The following FSTL1 variants were observed in gnomAD, a reference collection of about 807,000 sequenced individuals.
The protein encoded by FSTL1 is follistatin like 1, also known as follistatin-related protein 1.
FSTL1 carries 24 observed loss-of-function variants against 45.9 expected under a neutral mutation model. That is an observed-to-expected ratio of 0.52 (90% CI 0.38 to 0.74). The LOEUF (loss-of-function observed/expected upper bound fraction) is 0.74. FSTL1 is among the 30% of genes least tolerant of loss of function. FSTL1 has a pLI of 0.00. For missense variants in FSTL1, 340 were observed against 381.8 expected (o/e 0.89, Z 0.91); for synonymous variants, 120 against 137.6 (o/e 0.87, Z 0.89).
chr3:120,423,478 G>T (rs1214811358), intron 2 of FSTL1: 1 of 152,184 alleles, frequency 6.6e-6, no homozygotes, highest in Non-Finnish European at 1.5e-5. Flanking sequence ...ATATAGGGCT[G>T]AAAATCATCT....
intron 3 of FSTL1, 87 bp from the exon 4 acceptor site, chr3:120,412,070 CAG>C: frequency 9.5e-7 from 1 of 1,053,102 alleles, no homozygotes; most frequent in Non-Finnish European, 1.4e-6. Context: ...CACACACACA[CAG>C]AGCCATTTTG....
intron 9 of FSTL1, among the ~76,000 whole-genome samples, chr3:120,400,939 T>TA (rs762530809): frequency 6.6e-6 from 1 of 152,210 alleles, no homozygotes; most frequent in Non-Finnish European, 1.5e-5. Flanking sequence ...GAGCAGCCCA[T>TA]AGCTGAGTGG....
chr3:120,424,245 T>C lies in FSTL1; in HGVS notation c.64-8218A>G, dbSNP rs551797389. 2.6e-5 allele frequency among the ~76,000 whole-genome samples: 4 copies of C among 152,270 alleles called. No homozygotes were observed. In the South Asian group the frequency reaches 8.3e-4, roughly 32 times the overall value. ...TGAGCCCAGGAGTTTGAGGCTGCAG[T>C]GAGCTAGGATCATGCCACTGCACTC... On this transcript the variant is annotated intron_variant, in intron 2 of 10. Transcript: ENST00000295633.
chr3:120,418,558 TATTTG>T (rs1407888752), intron 2 of FSTL1, among the ~76,000 whole-genome samples: 1 of 152,200 alleles, frequency 6.6e-6, no homozygotes, highest in African/African-American at 2.4e-5. Context: ...AAGCAGTTTA[TATTTG>T]ATTTATTTTC....
At position 120,402,863 on chromosome 3, in the gene FSTL1, A is replaced by G. The variant is rs748273138; in HGVS notation, c.750T>C (p.Cys250=). The G allele has an allele frequency of 8.1e-6, 13 of 1,613,788 alleles. No individual in the cohort carries two copies. Among genetic ancestry groups the G allele is most frequent in the African/African-American group, 2.7e-5 (2 of 75,016 alleles). ...YADGAETEVD[C]NRCVCACGNW... is the part of the protein sequence containing the mutation. ...TTCCACAGGCACAGACACAGCGGTT[A>G]CAGTCCACCTCGGTCTCAGCTCCAT... The change falls in exon 9 of 11, where the codon TGT becomes TGC. Residue 250 remains cysteine (C), a synonymous_variant. Coordinates refer to ENST00000295633, the MANE Select transcript of FSTL1 (RefSeq NM_007085.5).
intron 2 of FSTL1, chr3:120,423,061 T>C (rs1937311331): frequency 6.6e-6 from 1 of 152,246 alleles, no homozygotes; most frequent in Non-Finnish European, 1.5e-5. Context: ...GCTTATGGGA[T>C]ATAACATGTT....
intron 6 of FSTL1, among the ~76,000 whole-genome samples, chr3:120,407,151 C>T (rs1013438658): frequency 6.6e-6 from 1 of 152,182 alleles, no homozygotes; most frequent in Non-Finnish European, 1.5e-5. Flanking sequence ...TTTCCTCTAT[C>T]TAACTGTAGG....
At chr3:120,397,446 T>G (rs1936725106) in intron 10 of FSTL1, among the ~76,000 whole-genome samples, 1 of 152,206 alleles carries the variant, frequency 6.6e-6, no homozygotes, top group South Asian at 2.1e-4. Flanking sequence ...CTCAATGTCT[T>G]CAACTGCAAA....
chr3:120,403,205 A>T, intron 8 of FSTL1, 37 bp downstream of exon 8: 1 of 1,160,012 alleles, frequency 8.6e-7, no homozygotes, highest in South Asian at 1.2e-5. Context: ...AAATGCCTCC[A>T]TTCACTACAG....
chr3:120,409,995 T>C (rs537611881), intron 5 of FSTL1: 1 of 162,092 alleles, frequency 6.2e-6, no homozygotes, highest in South Asian at 2.0e-4. Flanking sequence ...AGCAGCTCTC[T>C]TGACTCAAAG....
At chr3:120,408,924 A>G (rs1147704) in intron 6 of FSTL1, among the ~76,000 whole-genome samples, 115,481 of 152,132 alleles carry the variant, frequency 0.76, 44,763 homozygotes, top group African/African-American at 0.93. Flanking sequence ...CCGAGCCATC[A>G]CTAAATATTA....
chr3:120,450,529 G>T (rs1206355855), intron 2 of FSTL1, among the ~76,000 whole-genome samples, 155 bp downstream of exon 2: 1 of 152,204 alleles, frequency 6.6e-6, no homozygotes, highest in Non-Finnish European at 1.5e-5. Flanking sequence ...TTCGTAAGCA[G>T]CATTACTGCC....
intron 3 of FSTL1, among the ~76,000 whole-genome samples, chr3:120,412,583 A>G (rs1937076828): frequency 6.6e-6 from 1 of 152,144 alleles, no homozygotes; most frequent in African/African-American, 2.4e-5. Context: ...CCAATCTCAG[A>G]TATTTTGTTA....
At chr3:120,414,090 G>A (rs972000120) in intron 3 of FSTL1, among the ~76,000 whole-genome samples, 1 of 151,850 alleles carries the variant, frequency 6.6e-6, no homozygotes, top group East Asian at 1.9e-4. Context: ...GTGCTCAATG[G>A]TGCCCAGGCT....
chr3:120,407,606 G>A (rs190548082), intron 6 of FSTL1, among the ~76,000 whole-genome samples: 2 of 152,300 alleles, frequency 1.3e-5, no homozygotes, highest in Non-Finnish European at 2.9e-5. Flanking sequence ...GCATTTCATT[G>A]GTTCATAACA....
intron 8 of FSTL1, 147 bp from the exon 9 acceptor site, chr3:120,403,065 A>G (rs945869099): frequency 1.5e-4 from 105 of 715,658 alleles, no homozygotes; most frequent in South Asian, 1.0e-3. Context: ...ACTACCATCA[A>G]CCTAAAGAAT....
intron 9 of FSTL1, among the ~76,000 whole-genome samples, chr3:120,400,478 G>A (rs1223436108): frequency 2.6e-5 from 4 of 152,174 alleles, no homozygotes; most frequent in Admixed American, 2.6e-4. Flanking sequence ...ATCTAGCAAT[G>A]TTTCTGAAAC....
intron 5 of FSTL1, 149 bp downstream of exon 5, chr3:120,410,803 G>T: frequency 1.3e-6 from 1 of 761,124 alleles, no homozygotes; most frequent in South Asian, 1.4e-5. Context: ...CAGCTTTTCT[G>T]AGCTGTGTTG....
intron 2 of FSTL1, among the ~76,000 whole-genome samples, chr3:120,425,754 G>A (rs1316542885): frequency 6.6e-6 from 1 of 152,128 alleles, no homozygotes; most frequent in Non-Finnish European, 1.5e-5. Flanking sequence ...GGTGTTGCTA[G>A]GTTCTGAAGG....
Sources: gnomAD v4.1 joint callset for allele counts (sites outside exome capture counted in the v4.1 genomes callset) on GRCh38, gnomAD v4.1.1 for gene constraint, MANE v1.5 for transcripts, NCBI Gene and HGNC (gene_info 2026-07-23, HGNC 2026-07-21) for gene names.